SERPINF1: variants seen among roughly 807,000 people sequenced by gnomAD.
SERPINF1 encodes serpin family F member 1.
Under a neutral mutation model 37.3 loss-of-function variants are expected in SERPINF1, and 29 were observed. The observed-to-expected ratio is 0.78, with a 90% CI of 0.58 to 1.06. The LOEUF (loss-of-function observed/expected upper bound fraction) is 1.06. Among genes scored for constraint, SERPINF1 ranks in the 50% least tolerant of loss-of-function variants. The pLI is 0.00. For synonymous variants in SERPINF1, 281 were observed against 227.9 expected, an observed-to-expected ratio of 1.23 and a Z score of -2.10; for missense variants, 553 against 532.2, an observed-to-expected ratio of 1.04 and a Z score of -0.38.
At position 1,766,985 on chromosome 17, in the gene SERPINF1, C is replaced by A; in HGVS notation, c.75C>A (p.Pro25=). 2 of 1,554,780 alleles carry A rather than the reference C, an allele frequency of 1.3e-6. No homozygotes were observed. The highest frequency in any genetic ancestry group is 2.4e-5 in the South Asian group (2 of 84,260). Residue 25 remains proline (P), a synonymous_variant, in exon 2 of 8, where the codon CCC becomes CCA. Coordinates refer to ENST00000254722, the MANE Select transcript of SERPINF1 (RefSeq NM_002615.7). The stretch of plus-strand genomic sequence containing the variant: ...GCAGCTGCCAGAACCCTGCCAGCCC[C>A]CCGGAGGAGGTCAGTAGGCAGGCGG... ...GHSSCQNPAS[P]PEEGSPDPDS...
Position 1,776,684 on chromosome 17 carries a change from T to TG in SERPINF1, c.940dup (p.Val314GlyfsTer9). The TG allele has an allele frequency of 6.2e-7, 1 of 1,613,516 alleles. No homozygotes were observed. Among genetic ancestry groups the TG allele is most frequent in the South Asian group, 1.1e-5 (1 of 91,026 alleles). ...TGAAGACCGTGCAGGCGGTCCTCAC[T>TG]GTCCCCAAGCTGAAGCTGAGTTATG... On this transcript the variant is annotated frameshift_variant, in exon 7 of 8. Transcript: ENST00000254722. LOFTEE classifies it high-confidence loss of function.
rs145833645 is a variant in SERPINF1 at position 1,776,571 on chromosome 17, T to A, written c.826T>A (p.Phe276Ile). 9.0e-5 allele frequency: 145 copies of A among 1,614,050 alleles called. No homozygotes were observed. The Admixed American group carries it at 1.0e-3, about 11-fold the overall frequency. Residue 276 changes from phenylalanine to isoleucine, a missense_variant, in exon 7 of 8, where the codon TTC becomes ATC. Transcript: ENST00000254722. Reference protein sequence around the residue: ...LPLTGSMSIIFFLPLKVTQNL... With the variant: ...LPLTGSMSIIIFLPLKVTQNL... Reference sequence around the variant, plus strand: ...CTTGACCGGAAGCATGAGTATCATCTTCTTCCTGCCCCTGAAAGTGACCCA... The same window carrying A: ...CTTGACCGGAAGCATGAGTATCATCATCTTCCTGCCCCTGAAAGTGACCCA...
At chr17:1,765,619 G>C (rs1907326578) in intron 1 of SERPINF1, among the ~76,000 whole-genome samples, 1 of 152,120 alleles carries the variant, frequency 6.6e-6, no homozygotes, top group Non-Finnish European at 1.5e-5. Context: ...ACTGTGCTCG[G>C]TAGTTGTTTT....
intron 2 of SERPINF1, among the ~76,000 whole-genome samples, chr17:1,768,465 GTTCTTTTTTTTAACT>G (rs1174541628): frequency 3.3e-5 from 5 of 150,168 alleles, no homozygotes; most frequent in African/African-American, 1.2e-4. Context: ...GAAAAACTGA[GTTCTTTTTTTTAACT>G]TTCTTTTTTT....
chr17:1,769,714 A>T, intron 2 of SERPINF1, 138 bp from the exon 3 acceptor site: 2 of 899,288 alleles, frequency 2.2e-6, no homozygotes, highest in Non-Finnish European at 3.7e-6. Flanking sequence ...TTCCCGTTTT[A>T]GGCCAAACAC....
intron 1 of SERPINF1, among the ~76,000 whole-genome samples, chr17:1,764,453 T>A (rs151236504): frequency 6.6e-6 from 1 of 152,318 alleles, no homozygotes; most frequent in East Asian, 1.9e-4. Flanking sequence ...TTTCCTGTTG[T>A]CTACACGAAA....
At chr17:1,765,097 G>T (rs748789995) in intron 1 of SERPINF1, among the ~76,000 whole-genome samples, 23 of 150,548 alleles carry the variant, frequency 1.5e-4, no homozygotes, top group Non-Finnish European at 2.8e-4. Context: ...ACCCGCCTCG[G>T]CCTCTCAAAG....
chr17:1,765,424 T>A (rs767441650), intron 1 of SERPINF1, among the ~76,000 whole-genome samples: 1 of 151,886 alleles, frequency 6.6e-6, no homozygotes, highest in African/African-American at 2.4e-5. Context: ...CAGGTTCAAG[T>A]GATTCTCCTG....
At position 1,776,624 on chromosome 17, in the gene SERPINF1, C is replaced by T. The variant is rs1270647413; in HGVS notation, c.879C>T (p.Leu293=). The T allele has an allele frequency of 3.1e-6, 5 of 1,613,960 alleles. No homozygotes were observed. Among genetic ancestry groups the T allele is most frequent in the Non-Finnish European group, 4.2e-6 (5 of 1,180,036 alleles). The stretch of plus-strand genomic sequence containing the variant: ...ATTTGACCTTGATAGAGGAGAGCCT[C>T]ACCTCCGAGTTCATTCATGACATAG... ...TQNLTLIEES[L]TSEFIHDIDR... Residue 293 remains leucine, a synonymous_variant, in exon 7 of 8, where the codon CTC becomes CTT. Transcript: ENST00000254722.
At chr17:1,773,372 A>C (rs573866625) in intron 5 of SERPINF1, among the ~76,000 whole-genome samples, 3 of 152,114 alleles carry the variant, frequency 2.0e-5, no homozygotes, top group East Asian at 3.9e-4. Flanking sequence ...CAGCCTCCCG[A>C]GTAGTTGGGA....
rs774148628 is a variant in SERPINF1, at chr17:1,777,200, G to C, written c.1011G>C (p.Leu337Phe). The change falls in exon 8 of 8, where the codon TTG (leucine) becomes TTC (phenylalanine). Residue 337 changes from leucine (L) to phenylalanine (F), a missense_variant. By Grantham distance (22) the Leu-to-Phe change is conservative. Transcript: ENST00000254722. ...KSLQEMKLQS[L>F]FDSPDFSKIT... ...CCATCTCTACAGAGCTGCAATCCTT[G>C]TTTGATTCACCAGACTTTAGCAAGA... 3.1e-6 allele frequency: 5 copies of C among 1,614,020 alleles called. No individual in the cohort carries two copies. The highest frequency in any genetic ancestry group is 4.2e-6 in the Non-Finnish European group (5 of 1,180,042).
At chr17:1,770,176 C>A in intron 3 of SERPINF1, 126 bp downstream of exon 3, 1 of 1,012,932 alleles carries the variant, frequency 9.9e-7, no homozygotes, top group Non-Finnish European at 1.5e-6. Context: ...AGGGGCCTGG[C>A]CTGGGGGTCC....
intron 4 of SERPINF1, 54 bp from the exon 5 acceptor site, chr17:1,771,818 C>T (rs994845049): frequency 2.4e-5 from 38 of 1,562,648 alleles, no homozygotes; most frequent in African/African-American, 1.9e-4. Context: ...CTCTCAAAGA[C>T]GGGATGCTTG....
rs776811200 is a variant in SERPINF1, at chr17:1,776,631, G to A, written c.886G>A (p.Glu296Lys). The change falls in exon 7 of 8, where the codon GAG (glutamate) becomes AAG (lysine). Residue 296 changes from glutamate to lysine, a missense_variant. By Grantham distance (56) the Glu-to-Lys change is moderately conservative. Transcript: ENST00000254722. The part of the protein sequence containing the change: ...LTLIEESLTS[E>K]FIHDIDRELK... ...CTTGATAGAGGAGAGCCTCACCTCC[G>A]AGTTCATTCATGACATAGACCGAGA... The A allele has an allele frequency of 6.2e-6, 10 of 1,614,036 alleles. No individual in the cohort carries two copies. The South Asian group carries it at 7.7e-5, about 12-fold the overall frequency.
In SERPINF1 at chr17:1,771,928, C is replaced by A. The variant is rs1265863530; in HGVS notation, c.496C>A (p.Pro166Thr). 1 of 1,613,986 alleles carries A rather than the reference C, an allele frequency of 6.2e-7. No homozygotes were observed. Among genetic ancestry groups the A allele is most frequent in the Non-Finnish European group, 8.5e-7 (1 of 1,180,000 alleles). ...TCTGGAAAAGTCATATGGGACCAGG[C>A]CCAGAGTCCTGACGGGCAACCCTCG... ...APLEKSYGTR[P>T]RVLTGNPRLD... Residue 166 changes from proline (P) to threonine (T), a missense_variant, in exon 5 of 8, where the codon CCC (proline) becomes ACC (threonine). Pro to Thr is a conservative substitution (Grantham distance 38). Coordinates refer to ENST00000254722, the MANE Select transcript of SERPINF1 (RefSeq NM_002615.7).
At chr17:1,767,040 C>G (rs753534591) in intron 2 of SERPINF1, 46 bp downstream of exon 2, 1 of 1,498,038 alleles carries the variant, frequency 6.7e-7, no homozygotes, top group African/African-American at 1.4e-5. Context: ...CCCCGCCCCT[C>G]CTTGGCAGGC....
chr17:1,768,420 G>T, intron 2 of SERPINF1, among the ~76,000 whole-genome samples: 1 of 126,048 alleles, frequency 7.9e-6, no homozygotes, highest in East Asian at 2.2e-4. Flanking sequence ...GACAGAGTGA[G>T]ACTCCGTCTC....
intron 6 of SERPINF1, among the ~76,000 whole-genome samples, chr17:1,775,904 T>C (rs888709882): frequency 7.9e-5 from 12 of 152,222 alleles, no homozygotes; most frequent in Non-Finnish European, 1.8e-4. Context: ...TGTTAACCTT[T>C]CTTGGGCCAC....
Position 1,777,342 on chromosome 17 carries a change from C to T in SERPINF1, c.1153C>T (p.Pro385Ser), listed in dbSNP as rs777536663. Residue 385 changes from proline to serine, a missense_variant, in exon 8 of 8, where the codon CCG becomes TCG. Physicochemically the swap from Pro to Ser is moderately conservative, Grantham distance 74. Coordinates refer to ENST00000254722, the MANE Select transcript of SERPINF1 (RefSeq NM_002615.7). ...GCTGCAGCCTGCCCACCTCACCTTCCCGCTGGACTATCACCTTAACCAGCC... is the reference window on the plus strand; with the variant it reads ...GCTGCAGCCTGCCCACCTCACCTTCTCGCTGGACTATCACCTTAACCAGCC... ...PGLQPAHLTF[P>S]LDYHLNQPFI... 3.1e-6 allele frequency: 5 copies of T among 1,614,146 alleles called. No homozygotes were observed. Among genetic ancestry groups the T allele is most frequent in the Middle Eastern group, 1.6e-4 (1 of 6,062 alleles).
Sources: allele counts gnomAD v4.1 joint callset (sites outside exome capture counted in the v4.1 genomes callset), GRCh38; gene constraint gnomAD v4.1.1; transcripts MANE v1.5; gene names NCBI Gene and HGNC (gene_info 2026-07-23, HGNC 2026-07-21).